Variants in PPP1R37 observed in about 807,000 individuals in gnomAD.
The protein encoded by PPP1R37 is protein phosphatase 1 regulatory subunit 37.
A neutral mutation model predicts 61.0 loss-of-function variants in PPP1R37; 21 were observed. The ratio of observed to expected loss-of-function variants is 0.34; its 90% CI spans 0.24 to 0.50. PPP1R37 has a LOEUF of 0.50. Ranked by LOEUF, PPP1R37 falls within the 20% of genes least tolerant of loss-of-function variation. The pLI, the probability that PPP1R37 is intolerant of heterozygous loss-of-function variation, is 0.98. For synonymous variants in PPP1R37, 443 were observed against 433.5 expected (o/e 1.02, Z -0.27); for missense variants, 910 against 952.7 (o/e 0.96, Z 0.59).
chr19:45,126,481 G>A (rs75940436), intron 1 of PPP1R37, among the ~76,000 whole-genome samples: 13,841 of 152,210 alleles, frequency 0.091, 892 homozygotes, highest in Non-Finnish European at 0.13. Context: ...CGCATGCTGT[G>A]GGGAAATGGG....
At chr19:45,131,735 A>G (rs192218465) in intron 1 of PPP1R37, among the ~76,000 whole-genome samples, 386 of 152,308 alleles carry the variant, frequency 2.5e-3, no homozygotes, top group African/African-American at 9.1e-3. Flanking sequence ...TGTTTTTTAG[A>G]AAGTGCTTAT....
At chr19:45,129,153 TTCCCACCCCTTCAATCTGTCGGGGA>T (rs1322870684) in intron 1 of PPP1R37, 6 of 371,010 alleles carry the variant, frequency 1.6e-5, no homozygotes, top group Non-Finnish European at 3.3e-5. Flanking sequence ...TATTTTGTTT[TTCCCACCCCTTCAATCTGTCGGGGA>T]GCCCCTGCCC....
intron 1 of PPP1R37, among the ~76,000 whole-genome samples, chr19:45,106,118 C>A (rs984578017): frequency 2.0e-5 from 3 of 152,168 alleles, no homozygotes; most frequent in Non-Finnish European, 4.4e-5. Flanking sequence ...TGGCACCAGC[C>A]CCTTCCTCAT....
At chr19:45,134,086 A>G (rs8101046) in intron 1 of PPP1R37, among the ~76,000 whole-genome samples, 22,614 of 152,174 alleles carry the variant, frequency 0.15, 1,978 homozygotes, top group African/African-American at 0.22. Flanking sequence ...GTAGGGGCCC[A>G]TCCTGGGCCA....
chr19:45,111,519 G>C (rs943401595), intron 1 of PPP1R37, among the ~76,000 whole-genome samples: 31 of 152,228 alleles, frequency 2.0e-4, no homozygotes, highest in African/African-American at 7.2e-4. Context: ...CAGGTGATCC[G>C]CCTGCCTCGA....
At chr19:45,127,008 G>A (rs575788205) in intron 1 of PPP1R37, among the ~76,000 whole-genome samples, 8 of 152,286 alleles carry the variant, frequency 5.3e-5, no homozygotes, top group South Asian at 2.1e-4. Flanking sequence ...TGAGAACTGC[G>A]TCGTTAGGTG....
At chr19:45,116,911 CTTT>C (rs61317000) in intron 1 of PPP1R37, among the ~76,000 whole-genome samples, 1 of 121,062 alleles carries the variant, frequency 8.3e-6, no homozygotes, top group Non-Finnish European at 1.7e-5. Context: ...GAGGAGGTGA[CTTT>C]TTTTTTTTTT....
Position 45,146,658 on chromosome 19 carries a change from A to G in PPP1R37, c.*96A>G. ...CCCCCCAGCCTTCCTGAGGCCCAGG[A>G]TGCCAGGGGTGGGGGCCATTCTGGG... On this transcript the variant is annotated 3_prime_UTR_variant, in exon 13 of 13. Transcript: ENST00000221462. The G allele has an allele frequency of 1.8e-6, 1 of 567,812 alleles. No individual in the cohort carries two copies. The allele number at this position is 567,812 out of a possible 1,614,324, so 35.2% of individuals were successfully genotyped here. A position where few individuals can be genotyped will look rare whatever the true frequency, so the allele number is the denominator to read the frequency against.
chr19:45,145,020 T>G (rs991921806), intron 9 of PPP1R37, 25 bp downstream of exon 9: 47 of 1,525,892 alleles, frequency 3.1e-5, no homozygotes, highest in Non-Finnish European at 4.1e-5. Flanking sequence ...CGGGCCAGGG[T>G]GCGGGCTGGT....
intron 1 of PPP1R37, among the ~76,000 whole-genome samples, chr19:45,119,869 A>T (rs1408535022): frequency 1.3e-5 from 2 of 152,232 alleles, no homozygotes; most frequent in East Asian, 3.9e-4. Context: ...CCGCCGCCCC[A>T]GGAGGGGCTT....
At chr19:45,129,938 C>A (rs916029056) in intron 1 of PPP1R37, among the ~76,000 whole-genome samples, 3 of 152,188 alleles carry the variant, frequency 2.0e-5, no homozygotes, top group Non-Finnish European at 4.4e-5. Flanking sequence ...CAGACCTGGG[C>A]CTTTTAGTCT....
intron 4 of PPP1R37, 73 bp from the exon 5 acceptor site, chr19:45,141,249 C>A: frequency 2.1e-6 from 3 of 1,456,406 alleles, no homozygotes; most frequent in South Asian, 1.4e-5. Context: ...CGGTGGGGCC[C>A]GGTGTCAGGG....
chr19:45,114,004 C>T (rs983202658), intron 1 of PPP1R37, among the ~76,000 whole-genome samples: 1 of 152,210 alleles, frequency 6.6e-6, no homozygotes, highest in Non-Finnish European at 1.5e-5. Context: ...GCTGCTGAGG[C>T]GTTGGCCTCT....
chr19:45,103,426 A>C (rs1968088753), intron 1 of PPP1R37, among the ~76,000 whole-genome samples: 1 of 152,192 alleles, frequency 6.6e-6, no homozygotes. Flanking sequence ...GGGCTCCTCT[A>C]GCAAGCTGGC....
intron 1 of PPP1R37, among the ~76,000 whole-genome samples, chr19:45,116,679 C>G (rs1968271768): frequency 6.6e-6 from 1 of 152,210 alleles, no homozygotes; most frequent in Admixed American, 6.5e-5. Flanking sequence ...GTCTTCATTT[C>G]CCAGAGTGAG....
intron 1 of PPP1R37, among the ~76,000 whole-genome samples, chr19:45,134,759 G>A (rs772852108): frequency 6.6e-6 from 1 of 151,880 alleles, no homozygotes; most frequent in African/African-American, 2.4e-5. Flanking sequence ...GCATTTCTAC[G>A]GCGCTTCTGT....
At position 45,145,819 on chromosome 19, in the gene PPP1R37, C is replaced by G. The variant is rs1355773474; in HGVS notation, c.1763C>G (p.Thr588Ser). The G allele has an allele frequency of 7.1e-6, 10 of 1,406,238 alleles. No homozygotes were observed. Among genetic ancestry groups the G allele is most frequent in the African/African-American group, 1.5e-5 (1 of 68,166 alleles). 87.1% of individuals were successfully genotyped at this position (1,406,238 alleles called of 1,614,324 possible). A position where few individuals can be genotyped will look rare whatever the true frequency, so the allele number is the denominator to read the frequency against. The stretch of plus-strand genomic sequence containing the variant: ...AGGGCAGAGCCCCCTGCGTCCCCCA[C>G]CCCTCCCTCTCCCCCACCCCCTCCC... ...PERAEPPASP[T>S]PPSPPPPPSP... Residue 588 changes from threonine (T) to serine (S), a missense_variant, in exon 11 of 13, where the codon ACC (threonine) becomes AGC (serine). By Grantham distance (58) the Thr-to-Ser change is moderately conservative. Around this residue, in one of 3 missense-constraint regions of PPP1R37, gnomAD observed 549 missense variants for 505.1 expected, o/e 1.09. Transcript: ENST00000221462.
rs542953953 is a variant in PPP1R37 at position 45,119,257 on chromosome 19, C to T, written c.203-19257C>T. On this transcript the variant is annotated intron_variant, in intron 1 of 12. Coordinates refer to ENST00000221462, the MANE Select transcript of PPP1R37 (RefSeq NM_019121.2). ...GCAGCCTCTGCTTCCCAGGTTCAAGCGATTCTCCTGCCTCAGCCTCCTGAG... is the reference window on the plus strand; with the variant it reads ...GCAGCCTCTGCTTCCCAGGTTCAAGTGATTCTCCTGCCTCAGCCTCCTGAG... Among the ~76,000 whole-genome samples, 24 of 152,072 alleles carry T rather than the reference C, an allele frequency of 1.6e-4. No individual in the cohort carries two copies. The South Asian group carries it at 4.0e-3, about 25-fold the overall frequency.
intron 1 of PPP1R37, among the ~76,000 whole-genome samples, chr19:45,106,902 C>T (rs1011755630): frequency 9.5e-5 from 14 of 147,642 alleles, no homozygotes; most frequent in Non-Finnish European, 1.3e-4. Flanking sequence ...CTGCACGCTC[C>T]GCCTCCCAGG....
Sources: gnomAD v4.1 joint callset for allele counts (sites outside exome capture counted in the v4.1 genomes callset) on GRCh38, gnomAD v4.1.1 for gene constraint, gnomAD v4.1.1 regional missense constraint, MANE v1.5 for transcripts, NCBI Gene and HGNC (gene_info 2026-07-23, HGNC 2026-07-21) for gene names.